The following NLGN1 variants were observed in gnomAD, a reference collection of about 807,000 sequenced individuals.
NLGN1 encodes neuroligin 1, also known as neuroligin-1.
In NLGN1, 12 loss-of-function variants were observed where a neutral mutation model predicts 65.5. That is an observed-to-expected ratio of 0.18 (90% CI 0.12 to 0.30). The LOEUF is 0.30. NLGN1 is among the 10% of genes least tolerant of loss of function. NLGN1 has a pLI of 1.00. For missense variants in NLGN1, 750 were observed against 1,007.1 expected, an observed-to-expected ratio of 0.74 and a Z score of 3.46; for synonymous variants, 350 against 359.5, an observed-to-expected ratio of 0.97 and a Z score of 0.30.
At chr3:174,022,707 AT>A (rs34214381) in intron 4 of NLGN1, among the ~76,000 whole-genome samples, 3 of 151,458 alleles carry the variant, frequency 2.0e-5, no homozygotes, top group Non-Finnish European at 2.9e-5. Flanking sequence ...GTGGCTCTAG[AT>A]TTTTTTTTCT....
At chr3:173,675,854 T>TTG (rs2149758348) in intron 3 of NLGN1, among the ~76,000 whole-genome samples, 1 of 108,506 alleles carries the variant, frequency 9.2e-6, no homozygotes, top group South Asian at 3.1e-4. Context: ...CTCTCTCTCT[T>TTG]TCTCTCTCTC....
intron 3 of NLGN1, among the ~76,000 whole-genome samples, chr3:173,758,120 G>A (rs1777412051): frequency 6.6e-6 from 1 of 151,998 alleles, no homozygotes; most frequent in South Asian, 2.1e-4. Context: ...GAAACAGAGA[G>A]AAAACTCCTT....
At chr3:174,266,155 A>G (rs1399424914) in intron 4 of NLGN1, among the ~76,000 whole-genome samples, 1 of 151,708 alleles carries the variant, frequency 6.6e-6, no homozygotes, top group Non-Finnish European at 1.5e-5. Flanking sequence ...TTATTTTGTG[A>G]GCAAGGTAAT....
At chr3:173,924,072 G>T (rs1742554710) in intron 4 of NLGN1, among the ~76,000 whole-genome samples, 1 of 152,060 alleles carries the variant, frequency 6.6e-6, no homozygotes, top group African/African-American at 2.4e-5. Flanking sequence ...TACAAAAACT[G>T]ATTGGAGAAA....
intron 4 of NLGN1, among the ~76,000 whole-genome samples, chr3:173,822,302 C>G (rs1335611451): frequency 6.6e-6 from 1 of 152,070 alleles, no homozygotes; most frequent in East Asian, 1.9e-4. Flanking sequence ...AGTCAGCATC[C>G]AAGTGGAACT....
chr3:173,504,241 T>C (rs17254371), intron 2 of NLGN1, among the ~76,000 whole-genome samples: 4,739 of 152,170 alleles, frequency 0.031, 90 homozygotes, highest in Middle Eastern at 0.071. Context: ...CTGGTTCTAG[T>C]TATTGAGTGT....
At chr3:173,763,734 A>G (rs1778351574) in intron 3 of NLGN1, among the ~76,000 whole-genome samples, 1 of 152,094 alleles carries the variant, frequency 6.6e-6, no homozygotes, top group Non-Finnish European at 1.5e-5. Context: ...TATGAGGAAG[A>G]AAAATATTGA....
intron 3 of NLGN1, among the ~76,000 whole-genome samples, chr3:173,679,998 G>T (rs1052787125): frequency 1.1e-4 from 17 of 152,048 alleles, no homozygotes; most frequent in Admixed American, 2.6e-4. Flanking sequence ...GAAAATATTG[G>T]ACCAGTACTT....
At chr3:174,006,593 A>G (rs189159795) in intron 4 of NLGN1, among the ~76,000 whole-genome samples, 6 of 152,246 alleles carry the variant, frequency 3.9e-5, no homozygotes, top group African/African-American at 1.2e-4. Context: ...CAACCAACCT[A>G]TATTTTATTC....
chr3:173,955,984 A>G (rs1711930266), intron 4 of NLGN1, among the ~76,000 whole-genome samples: 1 of 152,136 alleles, frequency 6.6e-6, no homozygotes, highest in South Asian at 2.1e-4. Context: ...GCCAATTATT[A>G]GCAAAAAATA....
At chr3:173,854,606 A>G (rs1268457196) in intron 4 of NLGN1, among the ~76,000 whole-genome samples, 1 of 152,130 alleles carries the variant, frequency 6.6e-6, no homozygotes, top group Non-Finnish European at 1.5e-5. Flanking sequence ...GTATGGTTAC[A>G]ATAGCAGCCA....
intron 2 of NLGN1, among the ~76,000 whole-genome samples, chr3:173,467,020 T>C (rs545570443): frequency 1.1e-4 from 17 of 152,158 alleles, no homozygotes; most frequent in Non-Finnish European, 2.1e-4. Context: ...ATATAACATT[T>C]GAAAATAAAC....
chr3:173,407,759 T>C (rs1336881122), intron 1 of NLGN1, among the ~76,000 whole-genome samples: 3 of 152,128 alleles, frequency 2.0e-5, no homozygotes, highest in Admixed American at 2.0e-4. Context: ...ATACAACACA[T>C]TGAGAAATAT....
intron 2 of NLGN1, among the ~76,000 whole-genome samples, chr3:173,499,742 T>A (rs574854528): frequency 3.3e-5 from 5 of 152,050 alleles, no homozygotes; most frequent in African/African-American, 9.7e-5. Context: ...GAGCAGTGGT[T>A]TGTAGTTCTC....
rs368804982 is a variant in NLGN1 at position 174,260,134 on chromosome 3, G to A, written c.647-15181G>A. ...AGTTTTTGCTATTGTGAATAATGCC[G>A]CAATAAACATACGTGTGCATGTGTC... On this transcript the variant is annotated intron_variant, in intron 4 of 6. Coordinates refer to ENST00000457714, the Ensembl canonical transcript of NLGN1. Among the ~76,000 whole-genome samples the A allele has an allele frequency of 3.6e-4, 54 of 151,590 alleles. 1 individual carries two copies. Among genetic ancestry groups the A allele is most frequent in the South Asian group, 6.3e-4 (3 of 4,794 alleles).
chr3:173,626,576 G>T (rs1013679299), intron 3 of NLGN1, among the ~76,000 whole-genome samples: 4 of 151,916 alleles, frequency 2.6e-5, no homozygotes, highest in African/African-American at 9.7e-5. Context: ...TTTATATATG[G>T]CACTTTTGCT....
chr3:173,745,180 T>C (rs1398842720), intron 3 of NLGN1, among the ~76,000 whole-genome samples: 1 of 152,076 alleles, frequency 6.6e-6, no homozygotes, highest in African/African-American at 2.4e-5. Flanking sequence ...TGCCATATTT[T>C]CTGTGCTCAG....
intron 4 of NLGN1, among the ~76,000 whole-genome samples, chr3:173,987,919 C>T (rs1720298458): frequency 6.6e-6 from 1 of 152,092 alleles, no homozygotes; most frequent in Non-Finnish European, 1.5e-5. Flanking sequence ...AATGCCTTTC[C>T]TTATCAATGG....
At chr3:174,075,181 C>T (rs181458706) in intron 4 of NLGN1, among the ~76,000 whole-genome samples, 16 of 152,096 alleles carry the variant, frequency 1.1e-4, no homozygotes, top group Admixed American at 5.9e-4. Flanking sequence ...TTACAATGGT[C>T]GAACTTAATT....
Sources: allele counts gnomAD v4.1 joint callset (sites outside exome capture counted in the v4.1 genomes callset), GRCh38; gene constraint gnomAD v4.1.1; transcripts MANE v1.5; gene names NCBI Gene and HGNC (gene_info 2026-07-23, HGNC 2026-07-21).